Variants in WDR36 observed in about 807,000 individuals in gnomAD.
The protein encoded by WDR36 is WD repeat-containing protein 36.
In WDR36, 63 loss-of-function variants were observed where a neutral mutation model predicts 112.7. That is an observed-to-expected ratio of 0.56 (90% CI 0.46 to 0.69). WDR36 has a LOEUF of 0.69. Ranked by LOEUF, WDR36 falls within the 30% of genes least tolerant of loss-of-function variation. The probability of loss-of-function intolerance (pLI) is 0.00; values close to 1 mark genes in which losing one functional copy is unlikely to be tolerated. For missense variants in WDR36, 1,226 were observed against 1,070.3 expected, an observed-to-expected ratio of 1.15 and a Z score of -2.03; for synonymous variants, 410 against 362.2, an observed-to-expected ratio of 1.13 and a Z score of -1.50.
chr5:111,099,470 T>G (rs1255840156), intron 4 of WDR36, among the ~76,000 whole-genome samples: 52 of 138,628 alleles, frequency 3.8e-4, no homozygotes, highest in Admixed American at 8.7e-4. Context: ...TTTGTTTTTT[T>G]TTTTTTTTTT....
rs1329476618 is a variant in WDR36, at chr5:111,127,657, A to G, written c.*774A>G. ...TGAAAGGAAGTTGTTCATGGATCAG[A>G]AATGTGGGAGGCCCTTCCTTGCCCA... On this transcript the variant is annotated 3_prime_UTR_variant, in exon 23 of 23. Transcript: ENST00000513710. The G allele has an allele frequency of 9.5e-6, 2 of 211,102 alleles. No homozygotes were observed. Among genetic ancestry groups the G allele is most frequent in the Non-Finnish European group, 1.9e-5 (2 of 103,996 alleles). 13.1% of individuals were successfully genotyped at this position (211,102 alleles called of 1,614,324 possible).
In WDR36 at chr5:111,113,085, TG is replaced by T; in HGVS notation, c.1729del (p.Asp577MetfsTer5). On this transcript the variant is annotated frameshift_variant, in exon 16 of 23. Transcript: ENST00000513710. LOFTEE classifies it high-confidence loss of function. ...TTTTTAATTTAAAGGCTTTTAGTCC[TG>T]ATGGTCGTTGGTTAATAAGTGCTGC... ...GQINDMAFSP[D>X]GRWLISAAMD... 1.4e-6 allele frequency: 2 copies of T among 1,463,440 alleles called. No homozygotes were observed. The highest frequency in any genetic ancestry group is 1.8e-6 in the Non-Finnish European group (2 of 1,095,040). The allele number at this position is 1,463,440 out of a possible 1,614,324, so 90.7% of individuals were successfully genotyped here. A position where few individuals can be genotyped will look rare whatever the true frequency, so the allele number is the denominator to read the frequency against.
At position 111,092,539 on chromosome 5, in the gene WDR36, C is replaced by T. The variant is rs1289837896; in HGVS notation, c.83C>T (p.Pro28Leu). The T allele has an allele frequency of 6.2e-7, 1 of 1,614,124 alleles. No homozygotes were observed. The change falls in exon 1 of 23, where the codon CCA becomes CTA. Residue 28 changes from proline to leucine, a missense_variant. Coordinates refer to ENST00000513710, the MANE Select transcript of WDR36 (RefSeq NM_139281.3). ...TTGGGACTTTTCAGCAACGACATTC[C>T]ACACGTGGTGCGGTTCAGCGCGCTC... ...RALGLFSNDI[P>L]HVVRFSALKR...
At chr5:111,101,161 T>A (rs757397488) in intron 5 of WDR36, among the ~76,000 whole-genome samples, 7 of 151,884 alleles carry the variant, frequency 4.6e-5, no homozygotes, top group Admixed American at 1.3e-4. Flanking sequence ...TAGTGAGATA[T>A]AACTATATGT....
chr5:111,107,314 TG>T lies in WDR36; in HGVS notation c.1204del (p.Asp402MetfsTer23). ...TTTAGAGGAAGCTCGTGAAAGTGACTGGGATGGTATCATTGCTTGCCATCAA... is the reference window on the plus strand; with the variant it reads ...TTTAGAGGAAGCTCGTGAAAGTGACTGGATGGTATCATTGCTTGCCATCAA... ...FAAEEARESD[W>X]DGIIACHQGK... On this transcript the variant is annotated frameshift_variant, in exon 12 of 23. Coordinates refer to ENST00000513710, the MANE Select transcript of WDR36 (RefSeq NM_139281.3). LOFTEE classifies it high-confidence loss of function. The T allele has an allele frequency of 6.2e-7, 1 of 1,610,274 alleles. No homozygotes were observed. The highest frequency in any genetic ancestry group is 8.5e-7 in the Non-Finnish European group (1 of 1,177,516).
chr5:111,097,274 C>G, intron 3 of WDR36, 95 bp downstream of exon 3: 1 of 876,224 alleles, frequency 1.1e-6, no homozygotes, highest in Non-Finnish European at 1.9e-6. Context: ...CCAGCACACT[C>G]TGGAACTATA....
chr5:111,118,913 T>A (rs1753508724), intron 16 of WDR36, 100 bp from the exon 17 acceptor site: 1 of 896,106 alleles, frequency 1.1e-6, no homozygotes, highest in Admixed American at 1.8e-5. Context: ...AAACATTTTC[T>A]GCATCTCTTA....
rs763835228 is a variant in WDR36, at chr5:111,097,168, C to T, written c.280C>T (p.Arg94Cys). Reference sequence around the variant, plus strand: ...TGGAAATGTTTTCTCTGCATTTGCCCGTAATAAAGAGGTTGGTATCGCTAA... The same window carrying T: ...TGGAAATGTTTTCTCTGCATTTGCCTGTAATAAAGAGGTTGGTATCGCTAA... ...AYGNVFSAFA[R>C]NKEIVHTFKG... Residue 94 changes from arginine (R) to cysteine (C), a missense_variant, in exon 3 of 23, where the codon CGT (arginine) becomes TGT (cysteine). By Grantham distance (180) the Arg-to-Cys change is radical (BLOSUM62 -3). Transcript: ENST00000513710. 9.3e-6 allele frequency: 15 copies of T among 1,612,576 alleles called. 1 individual carries two copies. In the Admixed American group the frequency reaches 1.0e-4, roughly 11 times the overall value.
chr5:111,124,466 T>G (rs1409536490), intron 21 of WDR36, among the ~76,000 whole-genome samples: 3 of 152,162 alleles, frequency 2.0e-5, no homozygotes, highest in African/African-American at 7.2e-5. Flanking sequence ...ACTATATTTA[T>G]AATAAGGAGA....
At chr5:111,113,553 ATG>A (rs1472144257) in intron 16 of WDR36, among the ~76,000 whole-genome samples, 1 of 152,030 alleles carries the variant, frequency 6.6e-6, no homozygotes, top group African/African-American at 2.4e-5. Flanking sequence ...TCCTTTTTGT[ATG>A]TCTCTTCTGC....
chr5:111,123,484 A>G (rs1753611904), intron 19 of WDR36, among the ~76,000 whole-genome samples: 1 of 152,190 alleles, frequency 6.6e-6, no homozygotes, highest in South Asian at 2.1e-4. Flanking sequence ...AAGGAAGTTT[A>G]AAATTACTTA....
At position 111,128,625 on chromosome 5, in the gene WDR36, G is replaced by A. The variant is rs1210513715; in HGVS notation, c.*1742G>A. The stretch of plus-strand genomic sequence containing the variant: ...GTATTGCTTACAGAAATCATGAACC[G>A]AATTTTCTTCTCTTTTTAAAGTGAG... On this transcript the variant is annotated 3_prime_UTR_variant, in exon 23 of 23. Transcript: ENST00000513710. The A allele has an allele frequency of 2.8e-5, 5 of 181,226 alleles. No individual in the cohort carries two copies. The highest frequency in any genetic ancestry group is 3.5e-5 in the Non-Finnish European group (3 of 84,758). 11.2% of individuals were successfully genotyped at this position (181,226 alleles called of 1,614,324 possible). A position where few individuals can be genotyped will look rare whatever the true frequency, so the allele number is the denominator to read the frequency against.
Position 111,104,608 on chromosome 5 carries a change from A to G in WDR36, c.907-89A>G, listed in dbSNP as rs79828826. The G allele has an allele frequency of 2.1e-3, 3,271 of 1,594,696 alleles. 58 individuals are homozygous for G. The African/African-American group carries it at 0.038, about 18-fold the overall frequency. On this transcript the variant is annotated intron_variant, in intron 8 of 22. Transcript: ENST00000513710. ...TCAGTGGCTTAGCAAGCACTACTCA[A>G]TACCAGTTGATTTATGTAGGGGGTG...
chr5:111,108,775 G>A (rs13179305), intron 12 of WDR36, among the ~76,000 whole-genome samples: 39,010 of 151,078 alleles, frequency 0.26, 5,954 homozygotes, highest in Middle Eastern at 0.43. Flanking sequence ...TCAATGAAGC[G>A]AGTAAGGGGC....
At chr5:111,104,383 C>G in intron 8 of WDR36, 31 bp downstream of exon 8, 1 of 1,610,766 alleles carries the variant, frequency 6.2e-7, no homozygotes, top group Non-Finnish European at 8.5e-7. Context: ...ATCTTCCTGG[C>G]TCATCTAACT....
chr5:111,124,433 A>G lies in WDR36; in HGVS notation c.2350+244A>G, dbSNP rs536236068. Among the ~76,000 whole-genome samples the G allele has an allele frequency of 7.9e-5, 12 of 152,254 alleles. No homozygotes were observed. The South Asian group carries it at 2.1e-3, about 26-fold the overall frequency. On this transcript the variant is annotated intron_variant, in intron 21 of 22. Transcript: ENST00000513710. Reference sequence around the variant, plus strand: ...TCATATATCTAACTTACTTTTTGCTATTGGAGATGGACACAGTTATTGACT... The same window carrying G: ...TCATATATCTAACTTACTTTTTGCTGTTGGAGATGGACACAGTTATTGACT...
chr5:111,115,632 C>G (rs1753440257), intron 16 of WDR36, among the ~76,000 whole-genome samples: 1 of 151,988 alleles, frequency 6.6e-6, no homozygotes, highest in Admixed American at 6.6e-5. Context: ...CCTAGTTCTT[C>G]TTTCAATTAA....
intron 11 of WDR36, 126 bp from the exon 12 acceptor site, chr5:111,107,168 C>T (rs1158688342): frequency 2.9e-6 from 3 of 1,044,190 alleles, no homozygotes; most frequent in Non-Finnish European, 4.2e-6. Flanking sequence ...AAACATATTG[C>T]TATCAGATAT....
At position 111,104,698 on chromosome 5, in the gene WDR36, T is replaced by G. The variant is rs367687576; in HGVS notation, c.908T>G (p.Ile303Arg). ...ACTGACGTTTTTATTTCTTGGCAGA[T>G]ATGGATATTTGATGGTCCTACAGGT... is the stretch of plus-strand genomic sequence containing the variant. ...VTNGADNALR[I>R]WIFDGPTGEG... Residue 303 changes from isoleucine to arginine, a missense_variant and splice_region_variant, in exon 9 of 23, where the codon ATA becomes AGA. Coordinates refer to ENST00000513710, the MANE Select transcript of WDR36 (RefSeq NM_139281.3). 2 of 1,611,026 alleles carry G rather than the reference T, an allele frequency of 1.2e-6. No individual in the cohort carries two copies. The highest frequency in any genetic ancestry group is 1.7e-6 in the Non-Finnish European group (2 of 1,177,722).
Sources: allele counts gnomAD v4.1 joint callset (sites outside exome capture counted in the v4.1 genomes callset), GRCh38; gene constraint gnomAD v4.1.1; transcripts MANE v1.5; gene names NCBI Gene and HGNC (gene_info 2026-07-23, HGNC 2026-07-21).